SPATA13: variants seen among roughly 807,000 people sequenced by gnomAD.
SPATA13 encodes the protein spermatogenesis-associated protein 13.
SPATA13 carries 50 observed loss-of-function variants against 104.0 expected under a neutral mutation model. The ratio of observed to expected loss-of-function variants is 0.48; its 90% CI spans 0.38 to 0.61. The LOEUF is 0.61. SPATA13 is among the 20% of genes least tolerant of loss of function. The pLI is 0.00. For synonymous variants in SPATA13, 606 were observed against 667.5 expected, an observed-to-expected ratio of 0.91 and a Z score of 1.42; for missense variants, 1,524 against 1,690.6, an observed-to-expected ratio of 0.90 and a Z score of 1.73.
intron 10 of SPATA13, among the ~76,000 whole-genome samples, chr13:24,296,048 T>C (rs1452037204): frequency 6.6e-6 from 1 of 152,212 alleles, no homozygotes; most frequent in Non-Finnish European, 1.5e-5. Context: ...ACATTGATTT[T>C]ACATCTATTA....
intron 3 of SPATA13, among the ~76,000 whole-genome samples, chr13:24,151,401 G>A (rs1882096898): frequency 6.6e-6 from 1 of 152,202 alleles, no homozygotes; most frequent in Non-Finnish European, 1.5e-5. Flanking sequence ...TTTTAATGAT[G>A]AAGTGAAATA....
chr13:24,124,427 C>T (rs139976035), intron 3 of SPATA13, among the ~76,000 whole-genome samples: 251 of 152,134 alleles, frequency 1.6e-3, no homozygotes, highest in African/African-American at 5.4e-3. Context: ...TCTAACATAA[C>T]AGAAGGACAA....
At chr13:24,081,677 TA>T (rs1403844731) in intron 3 of SPATA13, among the ~76,000 whole-genome samples, 1 of 151,394 alleles carries the variant, frequency 6.6e-6, no homozygotes, top group Non-Finnish European at 1.5e-5. Context: ...CTCTGTCTCT[TA>T]AAAAATAAAT....
At position 24,286,129 on chromosome 13, in the gene SPATA13, A is replaced by G; in HGVS notation, c.2302-85A>G. 1 of 1,305,448 alleles carries G rather than the reference A, an allele frequency of 7.7e-7. No homozygotes were observed. Among genetic ancestry groups the G allele is most frequent in the South Asian group, 1.5e-5 (1 of 67,786 alleles). 80.9% of individuals were successfully genotyped at this position (1,305,448 alleles called of 1,614,324 possible). The stretch of plus-strand genomic sequence containing the variant: ...ATCCAAGTGAGAGGATACCAGTGTC[A>G]CCCTGAGAGAGTGCACCTAGTGGCT... On this transcript the variant is annotated intron_variant, in intron 5 of 12. Transcript: ENST00000382108. This position sits in a 1 kb window ranked among gnomAD's most constrained non-coding sequence, Gnocchi z 4.9.
intron 3 of SPATA13, among the ~76,000 whole-genome samples, chr13:24,098,578 T>A (rs9553173): frequency 1.4e-5 from 2 of 140,934 alleles, no homozygotes; most frequent in African/African-American, 2.8e-5. Flanking sequence ...GCCTAGGAGA[T>A]AGAGTGAGAC....
At chr13:23,998,764 T>C (rs1020284403) in intron 2 of SPATA13, among the ~76,000 whole-genome samples, 3 of 152,236 alleles carry the variant, frequency 2.0e-5, no homozygotes, top group African/African-American at 2.4e-5. Flanking sequence ...GCCTGAGATA[T>C]GGATTCAGGT....
chr13:24,259,188 G>T (rs1873939200), intron 4 of SPATA13, among the ~76,000 whole-genome samples: 1 of 152,222 alleles, frequency 6.6e-6, no homozygotes, highest in African/African-American at 2.4e-5. Context: ...AGAGAACGGG[G>T]AAGACCACAG....
At chr13:24,148,351 G>C (rs761003008) in intron 3 of SPATA13, among the ~76,000 whole-genome samples, 4 of 140,500 alleles carry the variant, frequency 2.8e-5, no homozygotes, top group South Asian at 2.3e-4. Flanking sequence ...AGAACACAAG[G>C]CTTTTTTGTT....
chr13:24,027,199 A>G (rs1197355433), intron 3 of SPATA13, among the ~76,000 whole-genome samples: 3 of 142,254 alleles, frequency 2.1e-5, no homozygotes, highest in Non-Finnish European at 3.0e-5. Flanking sequence ...CAGTGGCACA[A>G]TCTCAGCTCA....
At chr13:24,274,881 G>C (rs1874863657) in intron 4 of SPATA13, among the ~76,000 whole-genome samples, 1 of 152,198 alleles carries the variant, frequency 6.6e-6, no homozygotes, top group African/African-American at 2.4e-5. Flanking sequence ...GTGTTGGAGA[G>C]TGCCTCATGA....
intron 3 of SPATA13, among the ~76,000 whole-genome samples, chr13:24,107,049 G>A (rs1298206700): frequency 2.0e-5 from 3 of 150,616 alleles, no homozygotes; most frequent in African/African-American, 7.3e-5. Flanking sequence ...AAGATGATAA[G>A]GACGGGGAAA....
At chr13:24,010,020 C>T (rs1876399336) in intron 2 of SPATA13, among the ~76,000 whole-genome samples, 1 of 152,106 alleles carries the variant, frequency 6.6e-6, no homozygotes, top group Admixed American at 6.5e-5. Context: ...CTTGGTTTTA[C>T]ACATTTTAGG....
At chr13:24,116,203 G>C (rs1010337205) in intron 3 of SPATA13, among the ~76,000 whole-genome samples, 1 of 152,216 alleles carries the variant, frequency 6.6e-6, no homozygotes, top group Admixed American at 6.5e-5. Context: ...CAGGTTCAGC[G>C]TCTGCTAAGC....
At chr13:24,140,094 A>C (rs1277203598) in intron 3 of SPATA13, among the ~76,000 whole-genome samples, 1 of 152,070 alleles carries the variant, frequency 6.6e-6, no homozygotes, top group Non-Finnish European at 1.5e-5. Context: ...AAAGTCTGTA[A>C]CATGCAAAGT....
intron 1 of SPATA13, among the ~76,000 whole-genome samples, chr13:24,181,570 C>T (rs1002064966): frequency 6.6e-6 from 1 of 151,930 alleles, no homozygotes; most frequent in Admixed American, 6.6e-5. Context: ...AAGACAGAAA[C>T]GTACACATTA....
intron 3 of SPATA13, among the ~76,000 whole-genome samples, chr13:24,130,664 G>T (rs942204043): frequency 6.6e-6 from 1 of 152,178 alleles, no homozygotes; most frequent in African/African-American, 2.4e-5. Flanking sequence ...AGTTCTTTGT[G>T]CTGATAACAT....
intron 12 of SPATA13, 45 bp downstream of exon 12, chr13:24,300,520 TCTC>T (rs754769691): frequency 1.3e-6 from 2 of 1,569,498 alleles, no homozygotes; most frequent in South Asian, 2.2e-5. Context: ...TTATCAGTAT[TCTC>T]CTGAAAATGG....
At chr13:24,277,448 A>AG (rs1875092499) in intron 4 of SPATA13, among the ~76,000 whole-genome samples, 2 of 130,988 alleles carry the variant, frequency 1.5e-5, no homozygotes, top group Non-Finnish European at 3.4e-5. Context: ...CGTCTCAAAA[A>AG]AAAAAAAAAA....
chr13:24,089,279 A>AGCAGT (rs568216248), intron 3 of SPATA13, among the ~76,000 whole-genome samples: 29 of 152,294 alleles, frequency 1.9e-4, no homozygotes, highest in South Asian at 6.2e-4. Flanking sequence ...ATAACCCATG[A>AGCAGT]GCAGTGCTAT....
Sources: allele counts gnomAD v4.1 joint callset (sites outside exome capture counted in the v4.1 genomes callset), GRCh38; gene constraint gnomAD v4.1.1; non-coding constraint Gnocchi (gnomAD v3.1); transcripts MANE v1.5; gene names NCBI Gene and HGNC (gene_info 2026-07-23, HGNC 2026-07-21).